Variants in BMP7 observed in about 807,000 individuals in gnomAD.
The protein encoded by BMP7 is bone morphogenetic protein 7.
In BMP7, 12 loss-of-function variants were observed where a neutral mutation model predicts 41.2. The observed-to-expected ratio is 0.29, with a 90% CI of 0.19 to 0.47. The LOEUF is 0.47. BMP7 is among the 20% of genes least tolerant of loss of function. The probability of loss-of-function intolerance (pLI) is 0.99; values close to 1 mark genes in which losing one functional copy is unlikely to be tolerated. For synonymous variants in BMP7, 248 were observed against 250.0 expected, an observed-to-expected ratio of 0.99 and a Z score of 0.07; for missense variants, 467 against 606.0, an observed-to-expected ratio of 0.77 and a Z score of 2.41.
chr20:57,172,980 T>C, intron 6 of BMP7: 2 of 614,760 alleles, frequency 3.3e-6, no homozygotes, highest in Admixed American at 5.7e-5. Flanking sequence ...TTAGGAGAAA[T>C]AAATGAACTC....
chr20:57,244,366 T>G (rs1217631452), intron 1 of BMP7, among the ~76,000 whole-genome samples: 1 of 152,168 alleles, frequency 6.6e-6, no homozygotes, highest in Non-Finnish European at 1.5e-5. Flanking sequence ...ACACACCACC[T>G]CCCACGCTCA....
rs573402971 is a variant in BMP7, at chr20:57,207,861, C to T, written c.612-5238G>A. Among the ~76,000 whole-genome samples the T allele has an allele frequency of 1.5e-3, 177 of 120,350 alleles. 8 individuals carry two copies. The South Asian group carries it at 0.041, about 28-fold the overall frequency. The allele number at this position is 120,350 out of a possible 152,430, so 79.0% of individuals were successfully genotyped here. On this transcript the variant is annotated intron_variant, in intron 2 of 6. Transcript: ENST00000395863. The stretch of plus-strand genomic sequence containing the variant: ...TTTTTGAGACGGAGTCTCGCTCTGT[C>T]GCCCAGGCTGGACTGCGGACTGCAG...
chr20:57,184,013 C>A, intron 3 of BMP7, 94 bp from the exon 4 acceptor site: 8 of 1,358,548 alleles, frequency 5.9e-6, no homozygotes, highest in Non-Finnish European at 8.2e-6. Flanking sequence ...CCGGTTCATT[C>A]ATGAACTCCT....
At chr20:57,244,591 C>T (rs2066082336) in intron 1 of BMP7, among the ~76,000 whole-genome samples, 1 of 152,224 alleles carries the variant, frequency 6.6e-6, no homozygotes, top group Non-Finnish European at 1.5e-5. Flanking sequence ...CAAGTTAACC[C>T]ACCTCTGGAA....
chr20:57,262,051 A>G (rs1160955256), intron 1 of BMP7, among the ~76,000 whole-genome samples: 1 of 152,208 alleles, frequency 6.6e-6, no homozygotes, highest in Non-Finnish European at 1.5e-5. Flanking sequence ...TCCTTCAAAG[A>G]TTACACAAAT....
intron 2 of BMP7, among the ~76,000 whole-genome samples, chr20:57,203,015 G>A (rs111891527): frequency 6.6e-6 from 1 of 152,194 alleles, no homozygotes; most frequent in South Asian, 2.1e-4. Context: ...ACTGTCCCAC[G>A]GGCTCAACAC....
intron 3 of BMP7, among the ~76,000 whole-genome samples, chr20:57,192,545 G>A (rs917574333): frequency 5.3e-5 from 8 of 151,540 alleles, no homozygotes; most frequent in South Asian, 4.2e-4. Flanking sequence ...TAAATGTCCC[G>A]GACAAGTCAC....
rs947830407 is a variant in BMP7 at position 57,169,773 on chromosome 20, T to C, written c.*1186A>G. ...TCATTGGTGCTGTTTTTTTTTTCTT[T>C]TGAGATGGAGTCTTGTTTTGTCACC... On this transcript the variant is annotated 3_prime_UTR_variant, in exon 7 of 7. Coordinates refer to ENST00000395863, the MANE Select transcript of BMP7 (RefSeq NM_001719.3). 2.3e-4 allele frequency: 35 copies of C among 151,994 alleles called. No homozygotes were observed. The highest frequency in any genetic ancestry group is 8.5e-4 in the African/African-American group (35 of 41,368). 9.4% of individuals were successfully genotyped at this position (151,994 alleles called of 1,614,324 possible).
At chr20:57,233,264 G>C (rs2066035696) in intron 1 of BMP7, among the ~76,000 whole-genome samples, 1 of 151,954 alleles carries the variant, frequency 6.6e-6, no homozygotes, top group Non-Finnish European at 1.5e-5. Flanking sequence ...AGCACCCCAA[G>C]GGCTGAGAGA....
At chr20:57,217,849 G>A (rs1335876941) in intron 2 of BMP7, among the ~76,000 whole-genome samples, 2 of 152,234 alleles carry the variant, frequency 1.3e-5, no homozygotes, top group African/African-American at 4.8e-5. Context: ...CCCTATTGAT[G>A]TTAGGTGTTA....
At chr20:57,222,335 C>T (rs1044437177) in intron 2 of BMP7, among the ~76,000 whole-genome samples, 7 of 152,164 alleles carry the variant, frequency 4.6e-5, no homozygotes, top group African/African-American at 1.7e-4. Flanking sequence ...CCTCAGGCCA[C>T]AGGACAGGAA....
chr20:57,223,206 G>A (rs963875291), intron 2 of BMP7, among the ~76,000 whole-genome samples: 2 of 148,766 alleles, frequency 1.3e-5, no homozygotes, highest in Non-Finnish European at 3.0e-5. Context: ...CTCCAGCCTG[G>A]GCAACACAGT....
intron 1 of BMP7, among the ~76,000 whole-genome samples, chr20:57,236,329 G>T (rs554018266): frequency 6.6e-6 from 1 of 152,202 alleles, no homozygotes; most frequent in East Asian, 1.9e-4. Context: ...AGGAGAGAGC[G>T]CTCAGGAGGT....
chr20:57,265,042 A>AAAAAGAAAAG lies in BMP7; in HGVS notation c.418+653_418+662dup, dbSNP rs569220331. On this transcript the variant is annotated intron_variant, in intron 1 of 6. Coordinates refer to ENST00000395863, the MANE Select transcript of BMP7 (RefSeq NM_001719.3). ...GTGAAACTCCGTCTCAAAAAAAAAA[A>AAAAAGAAAAG]AAAAGAAAAGAAAAGAAAAAAAAAG... 3.1e-4 allele frequency among the ~76,000 whole-genome samples: 37 copies of AAAAAGAAAAG among 120,152 alleles called. 1 individual carries two copies. The highest frequency in any genetic ancestry group is 1.0e-3 in the African/African-American group (29 of 28,122). 78.8% of individuals were successfully genotyped at this position (120,152 alleles called of 152,430 possible).
chr20:57,238,943 G>C (rs1474162223), intron 1 of BMP7, among the ~76,000 whole-genome samples: 5 of 152,026 alleles, frequency 3.3e-5, no homozygotes, highest in Middle Eastern at 3.2e-3. Context: ...CAACACATGG[G>C]CATTCTGGGA....
intron 1 of BMP7, among the ~76,000 whole-genome samples, chr20:57,252,980 C>T (rs1175410961): frequency 2.6e-5 from 4 of 152,234 alleles, no homozygotes; most frequent in East Asian, 1.9e-4. Flanking sequence ...CAGCAGAGAA[C>T]GATCTGGTTA....
At chr20:57,212,439 G>A (rs1043334620) in intron 2 of BMP7, among the ~76,000 whole-genome samples, 2 of 152,138 alleles carry the variant, frequency 1.3e-5, no homozygotes, top group Admixed American at 1.3e-4. Flanking sequence ...GGAGATGACG[G>A]GCTCTGCCAC....
In BMP7 at chr20:57,265,726, C is replaced by T; in HGVS notation, c.397G>A (p.Val133Ile). The T allele has an allele frequency of 6.2e-7, 1 of 1,608,454 alleles. No individual in the cohort carries two copies. The highest frequency in any genetic ancestry group is 8.5e-7 in the Non-Finnish European group (1 of 1,177,464). The change falls in exon 1 of 7, where the codon GTC becomes ATC. Residue 133 changes from valine (V) to isoleucine (I), a missense_variant. This residue lies in a region of BMP7 where 407 missense variants were observed against 485.9 expected (regional missense o/e 0.84). Transcript: ENST00000395863. ...TCACCGAGGTTGACGAAGCTCATGA[C>T]CATGTCGGCGTCGGTGAGGAAATGG... ...DSHFLTDADM[V>I]MSFVNLVEHD...
intron 2 of BMP7, among the ~76,000 whole-genome samples, chr20:57,216,470 G>T (rs1332034738): frequency 7.0e-6 from 1 of 143,538 alleles, no homozygotes; most frequent in East Asian, 2.0e-4. Context: ...CTCCAGAGGG[G>T]TGCACCTGAG....
Sources: gnomAD v4.1 joint callset for allele counts (sites outside exome capture counted in the v4.1 genomes callset) on GRCh38, gnomAD v4.1.1 for gene constraint, gnomAD v4.1.1 regional missense constraint, MANE v1.5 for transcripts, NCBI Gene and HGNC (gene_info 2026-07-23, HGNC 2026-07-21) for gene names.